The following PCDH15 variants were observed in gnomAD, a reference collection of about 807,000 sequenced individuals.
PCDH15 encodes the protein protocadherin related 15, also known as protocadherin-15.
Under a neutral mutation model 178.5 loss-of-function variants are expected in PCDH15, and 129 were observed. That is an observed-to-expected ratio of 0.72 (90% CI 0.63 to 0.84). The LOEUF is 0.84. PCDH15 is among the 40% of genes least tolerant of loss of function. The pLI, the probability that PCDH15 is intolerant of heterozygous loss-of-function variation, is 0.00. For synonymous variants in PCDH15, 800 were observed against 732.0 expected, an observed-to-expected ratio of 1.09 and a Z score of -1.50; for missense variants, 2,230 against 2,099.9, an observed-to-expected ratio of 1.06 and a Z score of -1.21.
intron 2 of PCDH15, among the ~76,000 whole-genome samples, chr10:55,367,090 C>G (rs1011879411): frequency 1.3e-5 from 2 of 152,032 alleles, no homozygotes; most frequent in African/African-American, 4.8e-5. Flanking sequence ...ACATCATCTT[C>G]CACATATCAC....
At chr10:55,364,714 C>A (rs1845311562) in intron 2 of PCDH15, among the ~76,000 whole-genome samples, 1 of 151,932 alleles carries the variant, frequency 6.6e-6, no homozygotes, top group South Asian at 2.1e-4. Flanking sequence ...GAATGTTAGA[C>A]CTTTTGATAT....
intron 5 of PCDH15, among the ~76,000 whole-genome samples, chr10:54,357,227 G>C (rs1246816257): frequency 1.3e-5 from 2 of 152,150 alleles, no homozygotes; most frequent in Non-Finnish European, 2.9e-5. Context: ...AATTGTCCCT[G>C]TTTGCAGATG....
At chr10:55,004,210 T>C (rs1839868616) in intron 2 of PCDH15, among the ~76,000 whole-genome samples, 1 of 152,056 alleles carries the variant, frequency 6.6e-6, no homozygotes. Flanking sequence ...TAACCGTTGA[T>C]TCCTGGGTGG....
chr10:54,260,784 C>A (rs566061167), intron 8 of PCDH15, among the ~76,000 whole-genome samples: 2 of 152,236 alleles, frequency 1.3e-5, no homozygotes, highest in South Asian at 2.1e-4. Flanking sequence ...AGGCATGCAC[C>A]ATCACCTCTG....
rs547683434 is a variant in PCDH15 at position 54,676,570 on chromosome 10, T to C, written c.-28-12280A>G. ...AGATTGAACAAAGCATATGTGGAAATATAAATTATAATTTTCTTCCACTTT... is the reference window on the plus strand; with the variant it reads ...AGATTGAACAAAGCATATGTGGAAACATAAATTATAATTTTCTTCCACTTT... On this transcript the variant is annotated intron_variant, in intron 1 of 37. Transcript: ENST00000644397. Among the ~76,000 whole-genome samples, 338 of 152,262 alleles carry C rather than the reference T, an allele frequency of 2.2e-3. 1 individual carries two copies. The highest frequency in any genetic ancestry group is 3.8e-3 in the Non-Finnish European group (257 of 67,988).
intron 2 of PCDH15, among the ~76,000 whole-genome samples, chr10:55,559,851 G>T (rs1842160975): frequency 6.6e-6 from 1 of 151,830 alleles, no homozygotes; most frequent in Non-Finnish European, 1.5e-5. Context: ...TCAACATCCT[G>T]TAGAGTTCTC....
chr10:54,597,634 A>G (rs2092306382), intron 2 of PCDH15, among the ~76,000 whole-genome samples: 1 of 152,098 alleles, frequency 6.6e-6, no homozygotes, highest in African/African-American at 2.4e-5. Context: ...AAATACACCA[A>G]ATCAGAGCTG....
intron 32 of PCDH15, among the ~76,000 whole-genome samples, chr10:53,820,704 T>G (rs955390640): frequency 1.1e-4 from 16 of 151,972 alleles, no homozygotes; most frequent in African/African-American, 3.6e-4. Flanking sequence ...TTATACATTA[T>G]ATACTAATAT....
chr10:54,679,633 T>C (rs115944265), intron 1 of PCDH15, among the ~76,000 whole-genome samples: 236 of 152,296 alleles, frequency 1.5e-3, no homozygotes, highest in African/African-American at 5.4e-3. Flanking sequence ...GAATGGAGCT[T>C]TCTTGAGCAA....
chr10:55,564,983 A>C (rs772189474), intron 2 of PCDH15, among the ~76,000 whole-genome samples: 5 of 151,722 alleles, frequency 3.3e-5, no homozygotes, highest in Non-Finnish European at 4.4e-5. Context: ...AGAGGACTTA[A>C]AAAACACAAT....
chr10:54,720,214 A>G (rs1020181888), intron 1 of PCDH15, among the ~76,000 whole-genome samples: 5 of 152,128 alleles, frequency 3.3e-5, no homozygotes, highest in Admixed American at 3.3e-4. Flanking sequence ...AAAGGAATAT[A>G]AATCATTCCA....
chr10:54,622,627 AAT>A (rs1491125741), intron 2 of PCDH15, among the ~76,000 whole-genome samples: 3 of 42,084 alleles, frequency 7.1e-5, no homozygotes, highest in East Asian at 7.2e-4. Flanking sequence ...TAATATATAT[AAT>A]ATATATTATA....
At chr10:55,137,036 T>G (rs1426188909) in intron 2 of PCDH15, among the ~76,000 whole-genome samples, 1 of 152,174 alleles carries the variant, frequency 6.6e-6, no homozygotes, top group Non-Finnish European at 1.5e-5. Flanking sequence ...GATGGTTACA[T>G]TTAATTCCCT....
At chr10:53,821,186 T>C (rs757849185) in intron 32 of PCDH15, 15 of 972,936 alleles carry the variant, frequency 1.5e-5, no homozygotes, top group Non-Finnish European at 1.8e-5. Context: ...ACTGAAAAAG[T>C]ATAAGATTTA....
chr10:54,412,914 G>A (rs1186001427), intron 3 of PCDH15, among the ~76,000 whole-genome samples: 1 of 152,150 alleles, frequency 6.6e-6, no homozygotes, highest in Non-Finnish European at 1.5e-5. Context: ...CAAGCTAGAT[G>A]ATAAGGACCA....
At chr10:55,535,471 T>A (rs1841555711) in intron 2 of PCDH15, among the ~76,000 whole-genome samples, 1 of 151,960 alleles carries the variant, frequency 6.6e-6, no homozygotes, top group East Asian at 1.9e-4. Context: ...ACTTGGTGAA[T>A]CAAAGTGAAA....
At position 53,906,122 on chromosome 10, in the gene PCDH15, G is replaced by C. The variant is rs1006161847; in HGVS notation, c.3374-2752C>G. 5.3e-5 allele frequency among the ~76,000 whole-genome samples: 8 copies of C among 152,088 alleles called. No individual in the cohort carries two copies. In the South Asian group the frequency reaches 1.0e-3, roughly 20 times the overall value. On this transcript the variant is annotated intron_variant, in intron 25 of 37. Coordinates refer to ENST00000644397, the MANE Select transcript of PCDH15 (RefSeq NM_001384140.1). ...GTTAGCTATATAGCTAATTATGTAG[G>C]ATAGTTTGTAATAGTCAACTAAAAA...
intron 10 of PCDH15, among the ~76,000 whole-genome samples, chr10:54,197,037 TAA>T (rs1197222923): frequency 4.6e-5 from 7 of 152,184 alleles, no homozygotes; most frequent in African/African-American, 1.7e-4. Flanking sequence ...ATAAAATTAA[TAA>T]AGTTATATTT....
At chr10:54,601,320 A>C (rs1303301035) in intron 2 of PCDH15, among the ~76,000 whole-genome samples, 1 of 150,290 alleles carries the variant, frequency 6.7e-6, no homozygotes, top group Admixed American at 6.6e-5. Context: ...TAAGGAATTT[A>C]AACAAATTTA....
Sources: gnomAD v4.1 joint callset for allele counts (sites outside exome capture counted in the v4.1 genomes callset) on GRCh38, gnomAD v4.1.1 for gene constraint, MANE v1.5 for transcripts, NCBI Gene and HGNC (gene_info 2026-07-23, HGNC 2026-07-21) for gene names.